The following ARB2A variants were observed in gnomAD, a reference collection of about 807,000 sequenced individuals.
The protein encoded by ARB2A is cotranscriptional regulator ARB2A.
chr5:93,765,748 G>A, the ARB2A span, among the ~76,000 whole-genome samples: 1 of 152,110 alleles, frequency 6.6e-6, no homozygotes, highest in East Asian at 1.9e-4. Context: ...TACGCCAAAA[G>A]AACAAAGCTG....
chr5:93,730,908 T>C, the ARB2A span, among the ~76,000 whole-genome samples: 1 of 152,194 alleles, frequency 6.6e-6, no homozygotes, highest in African/African-American at 2.4e-5. Flanking sequence ...AGAAGGTTAT[T>C]GGTTGGGAGA....
At chr5:94,018,025 T>C in the ARB2A span, among the ~76,000 whole-genome samples, 1 of 152,286 alleles carries the variant, frequency 6.6e-6, no homozygotes, top group East Asian at 1.9e-4. Flanking sequence ...GCTGCCACCA[T>C]GTAAAAAATG....
the ARB2A span, among the ~76,000 whole-genome samples, chr5:93,806,076 T>C: frequency 1.3e-5 from 2 of 151,894 alleles, no homozygotes; most frequent in Non-Finnish European, 2.9e-5. Flanking sequence ...CAAGATGATG[T>C]ACATTCCATT....
chr5:93,748,656 G>A, the ARB2A span, among the ~76,000 whole-genome samples: 5 of 151,970 alleles, frequency 3.3e-5, no homozygotes, highest in African/African-American at 1.2e-4. Flanking sequence ...CTGAAACCAT[G>A]CAAAGTGATC....
At chr5:94,013,564 A>T in the ARB2A span, among the ~76,000 whole-genome samples, 2 of 152,308 alleles carry the variant, frequency 1.3e-5, no homozygotes, top group South Asian at 2.1e-4. Context: ...ATGATTTCAC[A>T]TGAGCATATT....
chr5:93,892,812 C>T, the ARB2A span, among the ~76,000 whole-genome samples: 1 of 152,062 alleles, frequency 6.6e-6, no homozygotes, highest in Non-Finnish European at 1.5e-5. Context: ...GACTTAGTCC[C>T]ACAAAATGTC....
the ARB2A span, among the ~76,000 whole-genome samples, chr5:93,657,253 ACTG>A: frequency 1.3e-5 from 2 of 152,142 alleles, no homozygotes; most frequent in African/African-American, 4.8e-5. Flanking sequence ...TCTCAGAAAA[ACTG>A]CACATGAAGT....
chr5:93,717,970 G>A, the ARB2A span, among the ~76,000 whole-genome samples: 1 of 151,792 alleles, frequency 6.6e-6, no homozygotes, highest in South Asian at 2.1e-4. Flanking sequence ...GAGTAGCTGG[G>A]ATTACAGGTG....
At chr5:93,702,309 G>C in the ARB2A span, among the ~76,000 whole-genome samples, 1 of 152,260 alleles carries the variant, frequency 6.6e-6, no homozygotes, top group Non-Finnish European at 1.5e-5. Context: ...AAAAGGTACA[G>C]ACAACACAAG....
the ARB2A span, among the ~76,000 whole-genome samples, chr5:93,742,232 G>A: frequency 1.3e-5 from 2 of 152,100 alleles, no homozygotes; most frequent in African/African-American, 4.8e-5. Context: ...TCTTCCCCTA[G>A]CCTTGAAGGT....
chr5:93,926,325 G>A, the ARB2A span, among the ~76,000 whole-genome samples: 1 of 151,820 alleles, frequency 6.6e-6, no homozygotes, highest in African/African-American at 2.4e-5. Flanking sequence ...GTAGAGATGG[G>A]TTTCTCCATG....
At chr5:94,044,286 C>T in the ARB2A span, among the ~76,000 whole-genome samples, 13 of 152,296 alleles carry the variant, frequency 8.5e-5, no homozygotes, top group African/African-American at 3.1e-4. Flanking sequence ...GAATATATTG[C>T]TGTTGTACTC....
the ARB2A span, among the ~76,000 whole-genome samples, chr5:93,858,959 A>C: frequency 1.3e-5 from 2 of 152,162 alleles, no homozygotes; most frequent in Non-Finnish European, 2.9e-5. Context: ...GTGAGGAAGG[A>C]AGAGGATAGA....
the ARB2A span, among the ~76,000 whole-genome samples, chr5:93,690,367 G>A: frequency 2.6e-5 from 4 of 152,282 alleles, no homozygotes; most frequent in Admixed American, 2.0e-4. Flanking sequence ...GCTTGGTGGG[G>A]GGAAGGGTGT....
At chr5:93,976,768 G>C in the ARB2A span, among the ~76,000 whole-genome samples, 1 of 152,076 alleles carries the variant, frequency 6.6e-6, no homozygotes. Flanking sequence ...ATAGAAGTGT[G>C]AGAATGGACT....
chr5:93,963,773 G>C, the ARB2A span, among the ~76,000 whole-genome samples: 15 of 151,928 alleles, frequency 9.9e-5, no homozygotes, highest in African/African-American at 3.1e-4. Context: ...CTCCAATCTA[G>C]TCCAACCACC....
chr5:93,752,081 C>T, the ARB2A span, among the ~76,000 whole-genome samples: 1 of 152,184 alleles, frequency 6.6e-6, no homozygotes, highest in South Asian at 2.1e-4. Context: ...GAGGCTAAGC[C>T]AGATGAGAAA....
At chr5:93,953,931 A>G in the ARB2A span, among the ~76,000 whole-genome samples, 1 of 152,142 alleles carries the variant, frequency 6.6e-6, no homozygotes, top group Non-Finnish European at 1.5e-5. Flanking sequence ...TGGCAAGTAC[A>G]GTCTGGCTAC....
chr5:93,684,059 TG>T, the ARB2A span, among the ~76,000 whole-genome samples: 1 of 152,154 alleles, frequency 6.6e-6, no homozygotes, highest in Non-Finnish European at 1.5e-5. Flanking sequence ...CTCTGGAAGG[TG>T]TAAGCCATGA....
Sources: allele counts gnomAD v4.1 joint callset (sites outside exome capture counted in the v4.1 genomes callset), GRCh38; gene constraint gnomAD v4.1.1; transcripts MANE v1.5; gene names NCBI Gene and HGNC (gene_info 2026-07-23, HGNC 2026-07-21).